The following LARGE1 variants were observed in gnomAD, a reference collection of about 807,000 sequenced individuals.
LARGE1 encodes LARGE xylosyl- and glucuronyltransferase 1, also known as xylosyl- and glucuronyltransferase LARGE1.
Under a neutral mutation model 87.6 loss-of-function variants are expected in LARGE1, and 43 were observed. The ratio of observed to expected loss-of-function variants is 0.49; its 90% CI spans 0.38 to 0.63. The LOEUF (loss-of-function observed/expected upper bound fraction) is 0.63, where lower values mean the gene tolerates loss of function less well. LARGE1 is among the 30% of genes least tolerant of loss of function. The probability of loss-of-function intolerance (pLI) is 0.00; values close to 1 mark genes in which losing one functional copy is unlikely to be tolerated. For missense variants in LARGE1, 802 were observed against 1,000.2 expected (o/e 0.80, Z 2.67); for synonymous variants, 434 against 394.6 (o/e 1.10, Z -1.18).
intron 6 of LARGE1, among the ~76,000 whole-genome samples, chr22:33,459,434 T>G (rs916713564): frequency 7.1e-6 from 1 of 140,812 alleles, no homozygotes; most frequent in Non-Finnish European, 1.5e-5. Context: ...GCTCGCTCGC[T>G]CTCTCTCTTT....
At chr22:33,783,013 T>C (rs891150063) in intron 1 of LARGE1, among the ~76,000 whole-genome samples, 1 of 152,102 alleles carries the variant, frequency 6.6e-6, no homozygotes, top group Non-Finnish European at 1.5e-5. Flanking sequence ...CCTGATTTAA[T>C]TGGCATTGTA....
chr22:33,334,455 G>C (rs1194965184), intron 10 of LARGE1, among the ~76,000 whole-genome samples: 1 of 151,052 alleles, frequency 6.6e-6, no homozygotes, highest in Non-Finnish European at 1.5e-5. Context: ...AAAAGAAACA[G>C]GGCATGTCAT....
the LARGE1 span, among the ~76,000 whole-genome samples, chr22:33,142,902 T>C: frequency 6.6e-6 from 1 of 152,092 alleles, no homozygotes; most frequent in Non-Finnish European, 1.5e-5. Flanking sequence ...CAGAAAGTTA[T>C]CAGAACATAT....
intron 9 of LARGE1, among the ~76,000 whole-genome samples, chr22:33,346,250 T>C (rs945826186): frequency 1.0e-4 from 15 of 149,504 alleles, no homozygotes; most frequent in African/African-American, 3.4e-4. Context: ...CTTCCTTCCT[T>C]CCTCTCTTCT....
chr22:33,392,093 A>G (rs2065549021), intron 7 of LARGE1, among the ~76,000 whole-genome samples: 1 of 151,682 alleles, frequency 6.6e-6, no homozygotes, highest in Non-Finnish European at 1.5e-5. Context: ...CCTATAACCA[A>G]TATCCTCACA....
chr22:33,568,579 C>T (rs2078097535), intron 5 of LARGE1, among the ~76,000 whole-genome samples: 1 of 151,992 alleles, frequency 6.6e-6, no homozygotes, highest in African/African-American at 2.4e-5. Context: ...CCAGCCTGAA[C>T]AACAGGGAGA....
intron 10 of LARGE1, among the ~76,000 whole-genome samples, chr22:33,323,941 T>C (rs1936987556): frequency 6.6e-6 from 1 of 152,164 alleles, no homozygotes; most frequent in Non-Finnish European, 1.5e-5. Flanking sequence ...GTTTAGAAAC[T>C]GCCTCCTTGG....
intron 11 of LARGE1, among the ~76,000 whole-genome samples, chr22:33,241,854 G>A (rs1175073763): frequency 6.6e-6 from 1 of 152,078 alleles, no homozygotes; most frequent in Non-Finnish European, 1.5e-5. Flanking sequence ...GCTGGGGGAC[G>A]GGAGAGGATG....
chr22:33,408,273 A>AC (rs547376285), intron 7 of LARGE1, among the ~76,000 whole-genome samples: 148 of 152,188 alleles, frequency 9.7e-4, no homozygotes, highest in Non-Finnish European at 1.8e-3. Flanking sequence ...CTTGAGCCAC[A>AC]AAGCCCAGCC....
At chr22:33,574,181 G>A (rs1368089683) in intron 5 of LARGE1, among the ~76,000 whole-genome samples, 1 of 152,158 alleles carries the variant, frequency 6.6e-6, no homozygotes, top group Non-Finnish European at 1.5e-5. Context: ...ACTGGACTGT[G>A]ATAAATTCCA....
chr22:33,509,180 T>C (rs910181088), intron 6 of LARGE1, among the ~76,000 whole-genome samples: 1 of 152,148 alleles, frequency 6.6e-6, no homozygotes, highest in South Asian at 2.1e-4. Flanking sequence ...GTTACTGATT[T>C]AGTATGCCTG....
chr22:33,434,358 T>G (rs991953641), intron 6 of LARGE1, among the ~76,000 whole-genome samples: 1 of 152,188 alleles, frequency 6.6e-6, no homozygotes, highest in Non-Finnish European at 1.5e-5. Flanking sequence ...TGGAGTGCAG[T>G]GGCGCAATCT....
At chr22:33,854,846 A>G (rs892291745) in intron 1 of LARGE1, among the ~76,000 whole-genome samples, 2 of 152,200 alleles carry the variant, frequency 1.3e-5, no homozygotes, top group Admixed American at 6.5e-5. Context: ...ATGATATGCC[A>G]ACTGGATGCA....
chr22:33,675,947 C>A (rs565392119), intron 2 of LARGE1, among the ~76,000 whole-genome samples: 2 of 150,776 alleles, frequency 1.3e-5, no homozygotes, highest in Non-Finnish European at 2.9e-5. Context: ...AAAAATCTGT[C>A]TCCAAAATCC....
At chr22:33,333,581 C>T (rs987090211) in intron 10 of LARGE1, among the ~76,000 whole-genome samples, 8 of 152,206 alleles carry the variant, frequency 5.3e-5, no homozygotes, top group African/African-American at 1.9e-4. Context: ...TCTTCATCTG[C>T]TCTTCCCTTT....
chr22:33,324,892 A>G (rs1937105213), intron 10 of LARGE1, among the ~76,000 whole-genome samples: 1 of 149,686 alleles, frequency 6.7e-6, no homozygotes, highest in African/African-American at 2.5e-5. Context: ...ACGCTCAAGG[A>G]TCACGCACTC....
intron 11 of LARGE1, among the ~76,000 whole-genome samples, chr22:33,238,339 A>C (rs1602133067): frequency 6.6e-6 from 1 of 152,212 alleles, no homozygotes; most frequent in East Asian, 1.9e-4. Context: ...TGATCCTGTA[A>C]GTGGCTAGCC....
intron 7 of LARGE1, among the ~76,000 whole-genome samples, chr22:33,391,018 A>G (rs953118622): frequency 6.6e-6 from 1 of 152,068 alleles, no homozygotes; most frequent in African/African-American, 2.4e-5. Context: ...TTTTTAGTAG[A>G]GACAGGGTTA....
rs192564163 is a variant in LARGE1, at chr22:33,316,981, A to T, written c.1288-733T>A. ...GTAATCCCGGCACTTTGGGAGGCCA[A>T]GGTGGCTGGATCACCTGAGGTCAGG... On this transcript the variant is annotated intron_variant, in intron 10 of 14. Coordinates refer to ENST00000397394, the MANE Select transcript of LARGE1 (RefSeq NM_133642.5). 4.8e-4 allele frequency among the ~76,000 whole-genome samples: 73 copies of T among 152,346 alleles called. 1 individual carries two copies. In the East Asian group the frequency reaches 0.014, roughly 28 times the overall value.
Sources: gnomAD v4.1 joint callset for allele counts (sites outside exome capture counted in the v4.1 genomes callset) on GRCh38, gnomAD v4.1.1 for gene constraint, MANE v1.5 for transcripts, NCBI Gene and HGNC (gene_info 2026-07-23, HGNC 2026-07-21) for gene names.